ARID1B: variants seen among roughly 807,000 people sequenced by gnomAD.
The protein encoded by ARID1B is AT-rich interaction domain 1B, also known as AT-rich interactive domain-containing protein 1B.
A neutral mutation model predicts 212.3 loss-of-function variants in ARID1B; 30 were observed. That is an observed-to-expected ratio of 0.14 (90% confidence interval 0.11 to 0.19). The LOEUF (loss-of-function observed/expected upper bound fraction) is 0.19, where lower values mean the gene tolerates loss of function less well. ARID1B is among the 10% of genes least tolerant of loss of function. ARID1B has a pLI of 1.00. For synonymous variants in ARID1B, 1,402 were observed against 1,301.7 expected, an observed-to-expected ratio of 1.08 and a Z score of -1.66; for missense variants, 2,891 against 3,204.0, an observed-to-expected ratio of 0.90 and a Z score of 2.36.
At chr6:157,079,553 A>G (rs534986799) in intron 4 of ARID1B, among the ~76,000 whole-genome samples, 1 of 152,370 alleles carries the variant, frequency 6.6e-6, no homozygotes, top group South Asian at 2.1e-4. Context: ...TAAAGAACCA[A>G]GAATCTAATG....
chr6:156,901,716 G>C, intron 3 of ARID1B, 191 bp downstream of exon 3: 2 of 754,572 alleles, frequency 2.7e-6, no homozygotes, highest in Non-Finnish European at 4.1e-6. Context: ...AGATTGGAGG[G>C]TGAGAAGAAT....
At chr6:156,810,247 G>T (rs1781467426) in intron 1 of ARID1B, among the ~76,000 whole-genome samples, 1 of 152,120 alleles carries the variant, frequency 6.6e-6, no homozygotes, top group South Asian at 2.1e-4. Context: ...AGAATTTAGG[G>T]TGACCTCTCA....
intron 2 of ARID1B, among the ~76,000 whole-genome samples, chr6:156,866,371 G>A (rs1220389016): frequency 6.6e-6 from 1 of 152,172 alleles, no homozygotes; most frequent in African/African-American, 2.4e-5. Flanking sequence ...GGAGGTGTCT[G>A]CTGCCACCAA....
At chr6:156,856,728 ACACACACACACAC>A (rs2128119523) in intron 2 of ARID1B, among the ~76,000 whole-genome samples, 1 of 149,340 alleles carries the variant, frequency 6.7e-6, no homozygotes, top group East Asian at 1.9e-4. Context: ...ACACACACAC[ACACACACACACAC>A]AAACTGATGT....
chr6:156,919,954 T>C (rs537634621), intron 3 of ARID1B, among the ~76,000 whole-genome samples: 20 of 152,252 alleles, frequency 1.3e-4, no homozygotes, highest in South Asian at 8.3e-4. Context: ...CTAACACTGC[T>C]ATAACTAACT....
intron 12 of ARID1B, among the ~76,000 whole-genome samples, chr6:157,182,511 G>T (rs1018857026): frequency 1.3e-5 from 2 of 152,106 alleles, no homozygotes; most frequent in South Asian, 4.1e-4. Flanking sequence ...GGCGCCCTGC[G>T]CCCCACCAAG....
Position 157,084,816 on chromosome 6 carries a change from T to C in ARID1B, c.2402T>C (p.Ile801Thr), listed in dbSNP as rs2128462957. ...SPHASPHLSS[I>T]PGGPSPSPVG... The stretch of plus-strand genomic sequence containing the variant: ...CATGCGTCCCCTCATCTCTCCAGCA[T>C]CCCGGGGGGCCCATCTCCCTCTCCT... The change falls in exon 5 of 20, where the codon ATC becomes ACC. Residue 801 changes from isoleucine (I) to threonine (T), a missense_variant. Transcript: ENST00000636930. 6.2e-7 allele frequency: 1 copy of C among 1,614,004 alleles called. No homozygotes were observed. Among genetic ancestry groups the C allele is most frequent in the Middle Eastern group, 1.6e-4 (1 of 6,062 alleles).
intron 7 of ARID1B, among the ~76,000 whole-genome samples, chr6:157,145,815 C>G (rs180972670): frequency 1.3e-5 from 2 of 152,154 alleles, no homozygotes; most frequent in East Asian, 1.9e-4. Flanking sequence ...TTCACAGCCC[C>G]GTGCCTTAGG....
chr6:157,018,794 G>T (rs1780058570), intron 4 of ARID1B, among the ~76,000 whole-genome samples: 2 of 152,126 alleles, frequency 1.3e-5, no homozygotes, highest in Admixed American at 1.3e-4. Context: ...CTTCATAGAG[G>T]TTAAAAGGAA....
chr6:157,094,834 C>T lies in ARID1B; in HGVS notation c.2491+9929C>T, dbSNP rs781455980. Among the ~76,000 whole-genome samples, 5 of 152,046 alleles carry T rather than the reference C, an allele frequency of 3.3e-5. No homozygotes were observed. The highest frequency in any genetic ancestry group is 1.9e-4 in the East Asian group (1 of 5,198). On this transcript the variant is annotated intron_variant, in intron 5 of 19. Coordinates refer to ENST00000636930, the MANE Select transcript of ARID1B (RefSeq NM_001374828.1). This position sits in a 1 kb window ranked among gnomAD's most constrained non-coding sequence, Gnocchi z 4.3. ...AGTAACCACGCGGAGTGTTGATGGCCGCTTGGATGTGCACATAGCGGGAGT... is the reference window on the plus strand; with the variant it reads ...AGTAACCACGCGGAGTGTTGATGGCTGCTTGGATGTGCACATAGCGGGAGT...
At chr6:157,046,632 T>A (rs1253880773) in intron 4 of ARID1B, among the ~76,000 whole-genome samples, 1 of 152,240 alleles carries the variant, frequency 6.6e-6, no homozygotes, top group East Asian at 1.9e-4. Flanking sequence ...TGATGTTTCC[T>A]AGACTAAGAT....
intron 4 of ARID1B, among the ~76,000 whole-genome samples, chr6:157,040,977 G>T (rs1344039897): frequency 6.6e-6 from 1 of 152,082 alleles, no homozygotes; most frequent in Non-Finnish European, 1.5e-5. Context: ...GTCTAATTAA[G>T]ATAATTATTT....
intron 2 of ARID1B, among the ~76,000 whole-genome samples, chr6:156,864,710 G>A (rs1029978222): frequency 3.3e-5 from 5 of 152,150 alleles, no homozygotes; most frequent in Non-Finnish European, 7.3e-5. Flanking sequence ...GTCTGTTGCT[G>A]TCCCCGCTGG....
chr6:156,990,619 G>A (rs1360281700), intron 4 of ARID1B, among the ~76,000 whole-genome samples: 6 of 152,060 alleles, frequency 3.9e-5, no homozygotes, highest in Non-Finnish European at 5.9e-5. Context: ...CCAGCCTGGC[G>A]ACAGAGCAAG....
At chr6:156,908,760 G>T (rs1242589810) in intron 3 of ARID1B, among the ~76,000 whole-genome samples, 2 of 149,872 alleles carry the variant, frequency 1.3e-5, no homozygotes, top group Non-Finnish European at 3.0e-5. Flanking sequence ...ATTTTTTTTT[G>T]AAGACATTTT....
At chr6:156,927,446 T>C (rs184160209) in intron 3 of ARID1B, among the ~76,000 whole-genome samples, 1 of 152,304 alleles carries the variant, frequency 6.6e-6, no homozygotes, top group Admixed American at 6.5e-5. Flanking sequence ...AAACTCATCA[T>C]TTTTTGGGAG....
At chr6:156,798,267 G>A (rs766150617) in intron 1 of ARID1B, among the ~76,000 whole-genome samples, 2 of 152,208 alleles carry the variant, frequency 1.3e-5, no homozygotes, top group Non-Finnish European at 2.9e-5. Flanking sequence ...CTCTCCGGTG[G>A]GCCTGGAGCT....
rs1159322585 is a variant in ARID1B, at chr6:156,779,015, C to T, written c.1335C>T (p.Ser445=). ...GCGGCGGCGGCTATGGGGGCTCGTC[C>T]GCGGGGTACGGGGTGCTGAGCTCCC... is the stretch of plus-strand genomic sequence containing the variant. ...GGGGGGYGGS[S]AGYGVLSSPR... Residue 445 remains serine (S), a synonymous_variant, in exon 1 of 20, where the codon TCC becomes TCT. Transcript: ENST00000636930. 2.7e-5 allele frequency: 34 copies of T among 1,261,404 alleles called. No homozygotes were observed. The highest frequency in any genetic ancestry group is 3.3e-5 in the South Asian group (1 of 30,410). 78.1% of individuals were successfully genotyped at this position (1,261,404 alleles called of 1,614,324 possible). A position where few individuals can be genotyped will look rare whatever the true frequency, so the allele number is the denominator to read the frequency against.
At chr6:156,791,255 A>G (rs1235612486) in intron 1 of ARID1B, among the ~76,000 whole-genome samples, 3 of 152,252 alleles carry the variant, frequency 2.0e-5, no homozygotes, top group Non-Finnish European at 4.4e-5. Flanking sequence ...GTGTACTAGC[A>G]TGGCTAAACT....
Sources: gnomAD v4.1 joint callset for allele counts (sites outside exome capture counted in the v4.1 genomes callset) on GRCh38, gnomAD v4.1.1 for gene constraint, Gnocchi (gnomAD v3.1) non-coding constraint, MANE v1.5 for transcripts, NCBI Gene and HGNC (gene_info 2026-07-23, HGNC 2026-07-21) for gene names.